PCDH15: variants seen among roughly 807,000 people sequenced by gnomAD.
PCDH15 encodes the protein protocadherin-15.
A neutral mutation model predicts 178.5 loss-of-function variants in PCDH15; 129 were observed. The ratio of observed to expected loss-of-function variants is 0.72; its 90% confidence interval spans 0.63 to 0.84. The LOEUF (loss-of-function observed/expected upper bound fraction) is 0.84. Among genes scored for constraint, PCDH15 ranks in the 40% least tolerant of loss-of-function variants. PCDH15 has a pLI of 0.00. For synonymous variants in PCDH15, 800 were observed against 732.0 expected, an observed-to-expected ratio of 1.09 and a Z score of -1.50; for missense variants, 2,230 against 2,099.9, an observed-to-expected ratio of 1.06 and a Z score of -1.21.
In PCDH15 at chr10:54,185,138, A is replaced by T. The variant is rs1311757943; in HGVS notation, c.1436T>A (p.Phe479Tyr). The change falls in exon 12 of 38, where the codon TTT becomes TAT. Residue 479 changes from phenylalanine to tyrosine, a missense_variant. By Grantham distance (22) the Phe-to-Tyr change is conservative. Coordinates refer to ENST00000644397, the MANE Select transcript of PCDH15 (RefSeq NM_001384140.1). ...ATTTACACAAAAGCTCTTTACCGAA[A>T]AGGTGTAAGTTTGCTGTTCTTCCCT... ...VDREEQQTYTFSITAFDGVQE... is the reference protein window; with the variant it reads ...VDREEQQTYTYSITAFDGVQE... 2 of 1,613,452 alleles carry T rather than the reference A, an allele frequency of 1.2e-6. No homozygotes were observed. The highest frequency in any genetic ancestry group is 4.5e-5 in the East Asian group (2 of 44,790).
rs1266583471 is a variant in PCDH15 at position 54,908,273 on chromosome 10, C to T, written c.-79-10773G>A. Among the ~76,000 whole-genome samples, 5 of 152,176 alleles carry T rather than the reference C, an allele frequency of 3.3e-5. No homozygotes were observed. The South Asian group carries it at 1.0e-3, about 31-fold the overall frequency. ...TATAGTGCATAGCCAGGCACACTGGCTGCGGCATGGCAGGCAACTCCAGGT... is the reference window on the plus strand; with the variant it reads ...TATAGTGCATAGCCAGGCACACTGGTTGCGGCATGGCAGGCAACTCCAGGT... On this transcript the variant is annotated intron_variant, in intron 2 of 5. Coordinates refer to the PCDH15 transcript ENST00000458638.
intron 2 of PCDH15, among the ~76,000 whole-genome samples, chr10:55,574,587 G>C (rs1842463558): frequency 6.6e-6 from 1 of 151,994 alleles, no homozygotes; most frequent in African/African-American, 2.4e-5. Context: ...CTAGTGGACA[G>C]CAAATATATA....
intron 21 of PCDH15, among the ~76,000 whole-genome samples, chr10:53,968,697 G>A (rs184007920): frequency 6.8e-4 from 103 of 152,288 alleles, no homozygotes; most frequent in Non-Finnish European, 1.2e-3. Flanking sequence ...ATTCTGCAAT[G>A]TTTGCTGTTC....
intron 2 of PCDH15, among the ~76,000 whole-genome samples, chr10:55,326,295 G>A (rs2132305019): frequency 6.6e-6 from 1 of 152,084 alleles, no homozygotes; most frequent in East Asian, 1.9e-4. Flanking sequence ...TATGTTCACT[G>A]CAGCCTTATT....
chr10:54,493,124 T>C (rs2079763768), intron 3 of PCDH15, among the ~76,000 whole-genome samples: 1 of 152,042 alleles, frequency 6.6e-6, no homozygotes, highest in Admixed American at 6.6e-5. Context: ...CCTCCCTCAA[T>C]ACATGGGAAT....
At chr10:54,201,593 C>T (rs1008321236) in intron 10 of PCDH15, among the ~76,000 whole-genome samples, 5 of 151,982 alleles carry the variant, frequency 3.3e-5, no homozygotes, top group South Asian at 2.1e-4. Context: ...GCTAAAATTT[C>T]GGACAATCCC....
chr10:55,432,063 T>C (rs983315867), intron 2 of PCDH15, among the ~76,000 whole-genome samples: 6 of 146,508 alleles, frequency 4.1e-5, no homozygotes, highest in Non-Finnish European at 7.6e-5. Flanking sequence ...GTAATTGGGA[T>C]AGGCAGAGCT....
intron 1 of PCDH15, among the ~76,000 whole-genome samples, chr10:55,193,043 C>A (rs1839986886): frequency 7.0e-6 from 1 of 143,040 alleles, no homozygotes; most frequent in Non-Finnish European, 1.5e-5. Flanking sequence ...GTAAATTTTG[C>A]CTGGGAGGAT....
intron 1 of PCDH15, among the ~76,000 whole-genome samples, chr10:54,668,451 A>AT (rs1314260619): frequency 6.6e-6 from 1 of 152,210 alleles, no homozygotes; most frequent in African/African-American, 2.4e-5. Flanking sequence ...CAATGAAAGT[A>AT]TAACTATTCC....
chr10:54,339,114 G>A lies in PCDH15; in HGVS notation c.594+7251C>T, dbSNP rs74538850. On this transcript the variant is annotated intron_variant, in intron 6 of 37. Coordinates refer to ENST00000644397, the MANE Select transcript of PCDH15 (RefSeq NM_001384140.1). Reference sequence around the variant, plus strand: ...ACCCATAGCCCACAGGCTACATGGGGCCCAGGTTGGCTCTGAATGTGGCCC... The same window carrying A: ...ACCCATAGCCCACAGGCTACATGGGACCCAGGTTGGCTCTGAATGTGGCCC... Among the ~76,000 whole-genome samples, 962 of 152,252 alleles carry A rather than the reference G, an allele frequency of 6.3e-3. 17 individuals carry two copies. Among genetic ancestry groups the A allele is most frequent in the African/African-American group, 0.022 (909 of 41,536 alleles).
In PCDH15 at chr10:54,462,451, G is replaced by A. The variant is rs761613244; in HGVS notation, c.157+65361C>T. ...AAATTCCTTACATCCAAGTTCTTCA[G>A]CTCCTATTTGTTAATCCTTTCTTTC... On this transcript the variant is annotated intron_variant, in intron 3 of 37. Transcript: ENST00000644397. Among the ~76,000 whole-genome samples the A allele has an allele frequency of 2.5e-4, 37 of 148,822 alleles. 1 individual carries two copies. The highest frequency in any genetic ancestry group is 2.7e-4 in the Admixed American group (4 of 14,938).
chr10:54,625,323 A>G (rs2093512578), intron 2 of PCDH15, among the ~76,000 whole-genome samples: 1 of 152,170 alleles, frequency 6.6e-6, no homozygotes, highest in South Asian at 2.1e-4. Flanking sequence ...AAGGACTACA[A>G]GTTTCCTAAT....
At chr10:55,465,079 T>G (rs117130930) in intron 2 of PCDH15, among the ~76,000 whole-genome samples, 13 of 152,026 alleles carry the variant, frequency 8.6e-5, no homozygotes, top group Non-Finnish European at 1.6e-4. Context: ...GAAACACAGA[T>G]GTAAAGCTGG....
chr10:55,350,724 A>C (rs2131966459), intron 2 of PCDH15, among the ~76,000 whole-genome samples: 1 of 152,194 alleles, frequency 6.6e-6, no homozygotes, highest in East Asian at 1.9e-4. Flanking sequence ...ATTAAACCTA[A>C]ATAGGAAAAT....
intron 3 of PCDH15, among the ~76,000 whole-genome samples, chr10:54,851,761 G>T (rs2131766757): frequency 6.6e-6 from 1 of 152,092 alleles, no homozygotes; most frequent in African/African-American, 2.4e-5. Context: ...GTAGAGGCGG[G>T]GTTTTACCAT....
At chr10:54,148,353 A>G (rs931606128) in intron 14 of PCDH15, among the ~76,000 whole-genome samples, 1 of 152,124 alleles carries the variant, frequency 6.6e-6, no homozygotes, top group Non-Finnish European at 1.5e-5. Flanking sequence ...GCCCTGATAG[A>G]AAATGAGACA....
intron 25 of PCDH15, among the ~76,000 whole-genome samples, chr10:53,923,405 A>C (rs1445881575): frequency 6.6e-6 from 1 of 152,228 alleles, no homozygotes; most frequent in Non-Finnish European, 1.5e-5. Flanking sequence ...GTTCTGAATA[A>C]TGATTAAAAA....
At chr10:53,980,435 G>A (rs1431721558) in intron 21 of PCDH15, among the ~76,000 whole-genome samples, 5 of 141,774 alleles carry the variant, frequency 3.5e-5, no homozygotes, top group African/African-American at 5.2e-5. Flanking sequence ...CTTTCTTCTC[G>A]AATATTACAG....
At chr10:55,137,613 T>TTAA (rs10623993) in intron 2 of PCDH15, among the ~76,000 whole-genome samples, 107,602 of 151,532 alleles carry the variant, frequency 0.71, 38,559 homozygotes, top group African/African-American at 0.76. Context: ...ATTTATTCAA[T>TTAA]TAAGATATAT....
Sources: allele counts gnomAD v4.1 joint callset (sites outside exome capture counted in the v4.1 genomes callset), GRCh38; gene constraint gnomAD v4.1.1; transcripts MANE v1.5; gene names NCBI Gene and HGNC (gene_info 2026-07-23, HGNC 2026-07-21).